CNTLN: variants seen among roughly 807,000 people sequenced by gnomAD.
CNTLN encodes centlein, centrosomal protein.
A neutral mutation model predicts 180.0 loss-of-function variants in CNTLN; 212 were observed. That is an observed-to-expected ratio of 1.18 (90% CI 1.05 to 1.32). The LOEUF (loss-of-function observed/expected upper bound fraction) is 1.32, where lower values mean the gene tolerates loss of function less well. Ranked by LOEUF, CNTLN falls within the 40% of genes most tolerant of loss-of-function variation. CNTLN has a pLI of 0.00. For synonymous variants in CNTLN, 722 were observed against 563.1 expected (o/e 1.28, Z -3.99); for missense variants, 2,095 against 1,610.9 (o/e 1.30, Z -5.14).
intron 2 of CNTLN, among the ~76,000 whole-genome samples, chr9:17,198,415 C>G (rs1365968757): frequency 1.2e-5 from 1 of 85,968 alleles, no homozygotes. Context: ...TATTTTTCTT[C>G]AGTTTCTTTA....
At chr9:17,266,409 G>T (rs981529674) in intron 5 of CNTLN, among the ~76,000 whole-genome samples, 7 of 152,086 alleles carry the variant, frequency 4.6e-5, no homozygotes, top group East Asian at 1.9e-4. Context: ...GAGACAGTTT[G>T]TTATAATTTC....
rs761187892 is a variant in CNTLN, at chr9:17,226,042, TCTTAGTTTTCAGCAGTTG to T, written c.450-160_450-143del. ...AAACTGTTCTTTTAGTATGAAGTTG[TCTTAGTTTTCAGCAGTTG>T]TAAGTTGCTGTCACTTGCCATGTGG... is the stretch of plus-strand genomic sequence containing the variant. On this transcript the variant is annotated intron_variant, in intron 2 of 25. Transcript: ENST00000380647. Among the ~76,000 whole-genome samples the T allele has an allele frequency of 9.9e-3, 1,509 of 152,136 alleles. 104 individuals carry two copies. The East Asian group carries it at 0.2, about 20-fold the overall frequency.
At chr9:17,219,319 G>C (rs905895686) in intron 2 of CNTLN, among the ~76,000 whole-genome samples, 1 of 150,830 alleles carries the variant, frequency 6.6e-6, no homozygotes. Flanking sequence ...TGACCAGATT[G>C]GTTGGTGACA....
chr9:17,521,917 T>C, the CNTLN span, among the ~76,000 whole-genome samples: 2 of 152,222 alleles, frequency 1.3e-5, no homozygotes, highest in African/African-American at 4.8e-5. Context: ...TTTTATTTTT[T>C]CCCTTAAAAT....
intron 23 of CNTLN, among the ~76,000 whole-genome samples, chr9:17,477,552 G>C (rs535618113): frequency 6.6e-6 from 1 of 152,278 alleles, no homozygotes; most frequent in South Asian, 2.1e-4. Context: ...GGAGAAGTTT[G>C]TTCCAACTTT....
Position 17,462,972 on chromosome 9 carries a change from A to G in CNTLN, c.3363A>G (p.Glu1121=). The G allele has an allele frequency of 6.3e-7, 1 of 1,584,594 alleles. No homozygotes were observed. The highest frequency in any genetic ancestry group is 8.6e-7 in the Non-Finnish European group (1 of 1,168,668). The change falls in exon 20 of 26, where the codon GAA becomes GAG. Residue 1121 remains glutamate (E), a synonymous_variant. Transcript: ENST00000380647. ...CAAATGTGAAGACTTTGAAATTTGA[A>G]CTCCTAGCAAAAGAAGAACACATAA... ...QSSNVKTLKF[E]LLAKEEHIKE...
chr9:17,326,555 A>G (rs1820304969), intron 8 of CNTLN, among the ~76,000 whole-genome samples: 1 of 152,120 alleles, frequency 6.6e-6, no homozygotes, highest in African/African-American at 2.4e-5. Flanking sequence ...TATATGTTTG[A>G]GATTATTAAG....
intron 19 of CNTLN, among the ~76,000 whole-genome samples, chr9:17,462,290 C>T (rs1287327887): frequency 1.3e-5 from 2 of 151,690 alleles, no homozygotes; most frequent in Admixed American, 6.6e-5. Flanking sequence ...GGTCTACTAC[C>T]TGTCAGCTGG....
intron 12 of CNTLN, among the ~76,000 whole-genome samples, chr9:17,363,861 T>C (rs879679969): frequency 1.3e-5 from 2 of 152,146 alleles, no homozygotes; most frequent in Non-Finnish European, 2.9e-5. Flanking sequence ...CATTTTCTTC[T>C]TAAAATATAT....
chr9:17,135,040 A>G lies in CNTLN; in HGVS notation c.-26A>G. 1 of 1,583,530 alleles carries G rather than the reference A, an allele frequency of 6.3e-7. No individual in the cohort carries two copies. The highest frequency in any genetic ancestry group is 8.5e-7 in the Non-Finnish European group (1 of 1,171,438). On this transcript the variant is annotated 5_prime_UTR_variant, in exon 1 of 26. Transcript: ENST00000380647. Reference sequence around the variant, plus strand: ...AAGGGAGGTGGAGTTTCCAACAGGGAACTTGACCCGTTAGCAGCCGCAGCC... The same window carrying G: ...AAGGGAGGTGGAGTTTCCAACAGGGGACTTGACCCGTTAGCAGCCGCAGCC...
At chr9:17,516,686 G>A in the CNTLN span, among the ~76,000 whole-genome samples, 1 of 152,242 alleles carries the variant, frequency 6.6e-6, no homozygotes, top group South Asian at 2.1e-4. Flanking sequence ...TTCATGGAGG[G>A]TAAGTCAGCG....
intron 14 of CNTLN, among the ~76,000 whole-genome samples, chr9:17,394,020 G>C (rs971686976): frequency 6.6e-6 from 1 of 152,006 alleles, no homozygotes; most frequent in Non-Finnish European, 1.5e-5. Flanking sequence ...TTAGTAAACT[G>C]TTCCCTTATC....
intron 8 of CNTLN, among the ~76,000 whole-genome samples, chr9:17,326,248 C>T (rs1252064326): frequency 6.6e-6 from 1 of 151,564 alleles, no homozygotes; most frequent in African/African-American, 2.4e-5. Flanking sequence ...AGCACTATAC[C>T]ATTGTATTTC....
intron 23 of CNTLN, among the ~76,000 whole-genome samples, chr9:17,473,174 G>A (rs1212844025): frequency 6.6e-6 from 1 of 152,024 alleles, no homozygotes; most frequent in Middle Eastern, 3.4e-3. Flanking sequence ...AGAACTTCAG[G>A]TGGGCTCTCA....
chr9:17,163,224 C>G (rs545807796), intron 2 of CNTLN, among the ~76,000 whole-genome samples: 80 of 152,180 alleles, frequency 5.3e-4, no homozygotes, highest in Non-Finnish European at 9.6e-4. Context: ...AGCTGGGTCC[C>G]TCCCACCACA....
chr9:17,158,423 A>T (rs115948607), intron 2 of CNTLN, among the ~76,000 whole-genome samples: 2,890 of 152,148 alleles, frequency 0.019, 59 homozygotes, highest in African/African-American at 0.05. Context: ...TGTTTCCTTA[A>T]ATTTTATGAA....
chr9:17,432,541 A>G (rs995144110), intron 18 of CNTLN, among the ~76,000 whole-genome samples: 1 of 152,202 alleles, frequency 6.6e-6, no homozygotes, highest in African/African-American at 2.4e-5. Flanking sequence ...AAGGTCTGTC[A>G]TTAATTAGGA....
At chr9:17,461,328 G>C (rs931311807) in intron 19 of CNTLN, among the ~76,000 whole-genome samples, 5 of 151,572 alleles carry the variant, frequency 3.3e-5, no homozygotes, top group African/African-American at 1.2e-4. Context: ...TGACTAGTGT[G>C]ACTAGTGTGG....
intron 1 of CNTLN, 79 bp downstream of exon 1, chr9:17,135,504 T>G: frequency 2.0e-6 from 3 of 1,489,808 alleles, no homozygotes; most frequent in Non-Finnish European, 2.7e-6. Context: ...TTTCTCCCTC[T>G]GCCTTGGGAC....
Sources: allele counts gnomAD v4.1 joint callset (sites outside exome capture counted in the v4.1 genomes callset), GRCh38; gene constraint gnomAD v4.1.1; transcripts MANE v1.5; gene names NCBI Gene and HGNC (gene_info 2026-07-23, HGNC 2026-07-21).